Variants in ERCC6L2 observed in about 807,000 individuals in gnomAD.
ERCC6L2 encodes the protein ERCC excision repair 6 like 2.
A neutral mutation model predicts 132.0 loss-of-function variants in ERCC6L2; 77 were observed. The observed-to-expected ratio is 0.58, with a 90% CI of 0.49 to 0.71. ERCC6L2 has a LOEUF of 0.71. Among genes scored for constraint, ERCC6L2 ranks in the 30% least tolerant of loss-of-function variants. The pLI is 0.00. For missense variants in ERCC6L2, 1,542 were observed against 1,837.6 expected, an observed-to-expected ratio of 0.84 and a Z score of 2.94; for synonymous variants, 583 against 632.4, an observed-to-expected ratio of 0.92 and a Z score of 1.17.
intron 17 of ERCC6L2, among the ~76,000 whole-genome samples, chr9:96,001,342 A>G (rs1833670828): frequency 6.6e-6 from 1 of 152,078 alleles, no homozygotes; most frequent in African/African-American, 2.4e-5. Context: ...GGTGGAGCCG[A>G]GTGGCCTGTT....
At chr9:95,949,581 T>A (rs113038427) in intron 12 of ERCC6L2, among the ~76,000 whole-genome samples, 70 of 152,052 alleles carry the variant, frequency 4.6e-4, no homozygotes, top group South Asian at 1.0e-3. Context: ...ACAAACAAAC[T>A]GTCAACTGAG....
intron 19 of ERCC6L2, among the ~76,000 whole-genome samples, chr9:96,035,027 T>C (rs1378443921): frequency 6.6e-6 from 1 of 152,122 alleles, no homozygotes; most frequent in Non-Finnish European, 1.5e-5. Context: ...GCCTGCACCC[T>C]TGGGGGCCTG....
intron 19 of ERCC6L2, among the ~76,000 whole-genome samples, chr9:96,027,458 G>A (rs1834394231): frequency 6.6e-6 from 1 of 152,192 alleles, no homozygotes. Context: ...GCCCGGCGCG[G>A]GAGAGGCTGC....
intron 12 of ERCC6L2, among the ~76,000 whole-genome samples, chr9:95,945,369 A>G (rs982214838): frequency 3.3e-5 from 5 of 152,166 alleles, no homozygotes; most frequent in African/African-American, 9.7e-5. Context: ...TCTTTTTTCA[A>G]GGTGCCCAGA....
chr9:95,959,152 A>T (rs1831772427), intron 13 of ERCC6L2, among the ~76,000 whole-genome samples: 1 of 151,540 alleles, frequency 6.6e-6, no homozygotes, highest in Non-Finnish European at 1.5e-5. Flanking sequence ...ACAGTAACCA[A>T]AACAGCATGG....
intron 18 of ERCC6L2, among the ~76,000 whole-genome samples, chr9:96,008,703 A>G (rs900296630): frequency 2.6e-5 from 4 of 152,238 alleles, no homozygotes; most frequent in Non-Finnish European, 4.4e-5. Context: ...AGGCACACCC[A>G]GTGACCCCAA....
At chr9:95,927,648 A>G (rs529548141) in intron 9 of ERCC6L2, among the ~76,000 whole-genome samples, 22 of 152,328 alleles carry the variant, frequency 1.4e-4, no homozygotes, top group African/African-American at 4.6e-4. Flanking sequence ...TTTAGAACCT[A>G]GATGTAATTG....
intron 16 of ERCC6L2, among the ~76,000 whole-genome samples, chr9:95,975,120 A>G (rs1176594550): frequency 6.6e-6 from 1 of 152,138 alleles, no homozygotes; most frequent in African/African-American, 2.4e-5. Flanking sequence ...CATTTTAAAA[A>G]TGGATATACT....
Position 95,880,972 on chromosome 9 carries a change from A to G in ERCC6L2, c.150A>G (p.Ser50=). The G allele has an allele frequency of 6.2e-7, 1 of 1,614,058 alleles. No homozygotes were observed. Among genetic ancestry groups the G allele is most frequent in the South Asian group, 1.1e-5 (1 of 91,080 alleles). ...TCACAGTGGATGAAAATGGCAAGTC[A>G]TTTGCAGTCGTCTTATATGCAGATT... ...KSITVDENGK[S]FAVVLYADFQ... Residue 50 remains serine (S), a synonymous_variant, in exon 2 of 19, where the codon TCA becomes TCG. Transcript: ENST00000653738.
At chr9:96,036,320 A>G (rs768322138) in intron 19 of ERCC6L2, among the ~76,000 whole-genome samples, 2 of 152,126 alleles carry the variant, frequency 1.3e-5, no homozygotes, top group African/African-American at 2.4e-5. Context: ...CTGGCCTGTT[A>G]CACTTAGCAT....
chr9:96,007,440 G>A (rs865837222), intron 18 of ERCC6L2, among the ~76,000 whole-genome samples: 20 of 152,244 alleles, frequency 1.3e-4, no homozygotes, highest in African/African-American at 4.3e-4. Context: ...CCAGGATCTT[G>A]AGAGTTTAGC....
chr9:95,876,154 G>C (rs1356813082), intron 1 of ERCC6L2, 70 bp downstream of exon 1: 6 of 1,449,446 alleles, frequency 4.1e-6, no homozygotes, highest in Non-Finnish European at 5.7e-6. Flanking sequence ...GTTCTTGCCG[G>C]TGCCCTTCGG....
rs1834179220 is a variant in ERCC6L2 at position 96,016,036 on chromosome 9, T to TG, written c.*2834dup. Among the ~76,000 whole-genome samples, 1 of 152,172 alleles carries TG rather than the reference T, an allele frequency of 6.6e-6. No homozygotes were observed. Among genetic ancestry groups the TG allele is most frequent in the African/African-American group, 2.4e-5 (1 of 41,440 alleles). On this transcript the variant is annotated 3_prime_UTR_variant, in exon 19 of 19. Coordinates refer to ENST00000653738, the MANE Select transcript of ERCC6L2 (RefSeq NM_020207.7). ...TGGAAAGATTTGGTACAACCATTGA[T>TG]GACCTGAGAACAGACACTAGGAAGG...
chr9:95,942,026 A>G (rs1221843542), intron 12 of ERCC6L2, among the ~76,000 whole-genome samples: 2 of 152,154 alleles, frequency 1.3e-5, no homozygotes, highest in African/African-American at 4.8e-5. Context: ...CTCTAATACA[A>G]ATTCCCCTCT....
chr9:95,884,966 C>G (rs371277754), intron 2 of ERCC6L2, among the ~76,000 whole-genome samples: 1 of 152,076 alleles, frequency 6.6e-6, no homozygotes, highest in Non-Finnish European at 1.5e-5. Context: ...AAGGACAGAT[C>G]TGGTGAAGAG....
intron 19 of ERCC6L2, among the ~76,000 whole-genome samples, chr9:96,036,752 T>A (rs1185133541): frequency 7.5e-6 from 1 of 133,032 alleles, no homozygotes; most frequent in East Asian, 2.2e-4. Flanking sequence ...ATTATTATTA[T>A]TATTATTATT....
intron 17 of ERCC6L2, among the ~76,000 whole-genome samples, chr9:95,990,455 A>G (rs1338739688): frequency 2.0e-5 from 3 of 152,166 alleles, no homozygotes; most frequent in Admixed American, 2.0e-4. Flanking sequence ...ACTTGTTGAC[A>G]TTTACGATTC....
rs912816010 is a variant in ERCC6L2 at position 95,970,633 on chromosome 9, C to T, written c.2158C>T (p.Pro720Ser). Residue 720 changes from proline to serine, a missense_variant, in exon 15 of 19, where the codon CCT (proline) becomes TCT (serine). This residue lies in a region of ERCC6L2 where 945 missense variants were observed against 1,105.2 expected (regional missense o/e 0.86). Transcript: ENST00000653738. The part of the protein sequence containing the change: ...MTATTWLKEG[P>S]PAHKLEMPRQ... ...AGCCACAACATGGTTGAAAGAGGGACCTCCAGCACACAAACTGGAAATGGT... is the reference window on the plus strand; with the variant it reads ...AGCCACAACATGGTTGAAAGAGGGATCTCCAGCACACAAACTGGAAATGGT... The T allele has an allele frequency of 4.1e-5, 53 of 1,303,548 alleles. No homozygotes were observed. Among genetic ancestry groups the T allele is most frequent in the Non-Finnish European group, 5.4e-5 (53 of 988,512 alleles). 80.7% of individuals were successfully genotyped at this position (1,303,548 alleles called of 1,614,324 possible). A position where few individuals can be genotyped will look rare whatever the true frequency, so the allele number is the denominator to read the frequency against.
At chr9:95,990,240 C>A (rs1223305329) in intron 17 of ERCC6L2, among the ~76,000 whole-genome samples, 1 of 152,202 alleles carries the variant, frequency 6.6e-6, no homozygotes, top group Non-Finnish European at 1.5e-5. Context: ...TATTTGCACT[C>A]AACAGGTGGG....
Sources: allele counts gnomAD v4.1 joint callset (sites outside exome capture counted in the v4.1 genomes callset), GRCh38; gene constraint gnomAD v4.1.1; regional missense constraint gnomAD v4.1.1; transcripts MANE v1.5; gene names NCBI Gene and HGNC (gene_info 2026-07-23, HGNC 2026-07-21).